Variants in IL10RB observed in about 807,000 individuals in gnomAD.
The protein encoded by IL10RB is interleukin-10 receptor subunit beta.
IL10RB carries 30 observed loss-of-function variants against 38.7 expected under a neutral mutation model. The observed-to-expected ratio is 0.78, with a 90% CI of 0.58 to 1.05. The LOEUF is 1.05. IL10RB is among the 50% of genes least tolerant of loss of function. The pLI, the probability that IL10RB is intolerant of heterozygous loss-of-function variation, is 0.00. For missense variants in IL10RB, 328 were observed against 397.1 expected (o/e 0.83, Z 1.48); for synonymous variants, 142 against 145.9 (o/e 0.97, Z 0.19).
At chr21:33,273,821 C>T (rs1296272589) in intron 2 of IL10RB, among the ~76,000 whole-genome samples, 2 of 152,238 alleles carry the variant, frequency 1.3e-5, no homozygotes, top group African/African-American at 2.4e-5. Context: ...TCTTTGCTCA[C>T]TCATTAGAAA....
chr21:33,292,247 A>G (rs921339158), intron 6 of IL10RB, among the ~76,000 whole-genome samples: 8 of 152,020 alleles, frequency 5.3e-5, no homozygotes, highest in Non-Finnish European at 1.0e-4. Context: ...CTTTCCACAT[A>G]AAGGTGATGA....
chr21:33,271,286 T>C (rs1487474841), intron 2 of IL10RB, among the ~76,000 whole-genome samples: 1 of 152,190 alleles, frequency 6.6e-6, no homozygotes, highest in Non-Finnish European at 1.5e-5. Context: ...TTGCGTGCAT[T>C]GGGGCAGGGC....
intron 2 of IL10RB, among the ~76,000 whole-genome samples, chr21:33,270,533 ACCACG>A (rs1212408867): frequency 6.6e-6 from 1 of 151,460 alleles, no homozygotes; most frequent in Non-Finnish European, 1.5e-5. Context: ...GGCGCCCGCC[ACCACG>A]CCCGGCTAAT....
chr21:33,305,958 A>G (rs1450035118), intron 1 of IL10RB, among the ~76,000 whole-genome samples: 1 of 152,040 alleles, frequency 6.6e-6, no homozygotes, highest in Non-Finnish European at 1.5e-5. Context: ...CAGCTTCCCA[A>G]GTAGCTGGGA....
At chr21:33,274,168 CTTTAT>C (rs1206484277) in intron 2 of IL10RB, among the ~76,000 whole-genome samples, 1 of 152,048 alleles carries the variant, frequency 6.6e-6, no homozygotes, top group Non-Finnish European at 1.5e-5. Context: ...AAATATATTT[CTTTAT>C]TTTATTTTAT....
intron 4 of IL10RB, among the ~76,000 whole-genome samples, chr21:33,281,840 G>A (rs1989285974): frequency 6.6e-6 from 1 of 152,162 alleles, no homozygotes; most frequent in African/African-American, 2.4e-5. Flanking sequence ...CTCACAGCAT[G>A]AAGGGCTTTT....
intron 2 of IL10RB, among the ~76,000 whole-genome samples, chr21:33,274,726 CCGTCCTCCAGG>C (rs1285279849): frequency 1.3e-5 from 2 of 152,152 alleles, no homozygotes; most frequent in African/African-American, 4.8e-5. Flanking sequence ...AACAGATGTG[CCGTCCTCCAGG>C]CTTTGTTGCT....
intron 2 of IL10RB, among the ~76,000 whole-genome samples, chr21:33,274,008 C>A (rs1308729036): frequency 2.0e-5 from 3 of 152,120 alleles, no homozygotes; most frequent in Non-Finnish European, 4.4e-5. Context: ...TTCTTCCAAA[C>A]CCCTGTTAAT....
intron 1 of IL10RB, among the ~76,000 whole-genome samples, chr21:33,305,572 G>A (rs769361560): frequency 1.1e-4 from 16 of 152,158 alleles, no homozygotes; most frequent in African/African-American, 1.9e-4. Context: ...TTGTAGCAGC[G>A]TAGGCAGGGT....
intron 5 of IL10RB, among the ~76,000 whole-genome samples, chr21:33,283,521 C>G (rs1989318056): frequency 6.6e-6 from 1 of 152,176 alleles, no homozygotes; most frequent in East Asian, 1.9e-4. Context: ...ACTTATTCTA[C>G]CATCCCAGGC....
At position 33,294,589 on chromosome 21, in the gene IL10RB, GGAGCACCCCACCACC is replaced by G. The variant is rs543565673; in HGVS notation, c.805-1594_805-1580del. 8.5e-5 allele frequency among the ~76,000 whole-genome samples: 13 copies of G among 152,194 alleles called. No individual in the cohort carries two copies. The South Asian group carries it at 2.5e-3, about 29-fold the overall frequency. On this transcript the variant is annotated intron_variant, in intron 6 of 6. Transcript: ENST00000290200. ...CCAGCCTCCTTCCTGGCCCAACAGAGGAGCACCCCACCACCCTCCATCAGCTGCTCAAAACCCACA... is the reference window on the plus strand; with the variant it reads ...CCAGCCTCCTTCCTGGCCCAACAGAGCTCCATCAGCTGCTCAAAACCCACA...
rs1040000523 is a variant in IL10RB, at chr21:33,287,160, A to G, written c.647-944A>G. 4.6e-5 allele frequency among the ~76,000 whole-genome samples: 7 copies of G among 152,322 alleles called. No individual in the cohort carries two copies. In the South Asian group the frequency reaches 1.0e-3, roughly 23 times the overall value. ...CAAAGGGACAGAGGAAGGATTCACC[A>G]CTATAAGCCCTTTTTAATAAATGCT... On this transcript the variant is annotated intron_variant, in intron 5 of 6. Coordinates refer to ENST00000290200, the MANE Select transcript of IL10RB (RefSeq NM_000628.5).
chr21:33,269,281 G>C (rs1989032586), intron 2 of IL10RB, among the ~76,000 whole-genome samples: 1 of 152,242 alleles, frequency 6.6e-6, no homozygotes, highest in Admixed American at 6.5e-5. Context: ...TTGGCAGCCT[G>C]CCACCATACG....
chr21:33,277,334 C>CAAA (rs373338629), intron 3 of IL10RB, among the ~76,000 whole-genome samples: 50 of 136,192 alleles, frequency 3.7e-4, no homozygotes, highest in African/African-American at 3.6e-4. Context: ...GACTTGGTCT[C>CAAA]AAAAAAAAAA....
In IL10RB at chr21:33,288,077, A is replaced by G. The variant is rs758067659; in HGVS notation, c.647-27A>G. 6 of 1,611,790 alleles carry G rather than the reference A, an allele frequency of 3.7e-6. No individual in the cohort carries two copies. The East Asian group carries it at 6.7e-5, about 18-fold the overall frequency. On this transcript the variant is annotated intron_variant, in intron 5 of 6. Transcript: ENST00000290200. The stretch of plus-strand genomic sequence containing the variant: ...CACTGTGACCCGACCTGTGACAAGA[A>G]TGTAACATGCCCATTACCCCTGGCA...
At chr21:33,279,152 C>T (rs1989234526) in intron 3 of IL10RB, among the ~76,000 whole-genome samples, 1 of 152,192 alleles carries the variant, frequency 6.6e-6, no homozygotes, top group Non-Finnish European at 1.5e-5. Flanking sequence ...ATGGGAGCTG[C>T]ACTTCTACAT....
intron 5 of IL10RB, among the ~76,000 whole-genome samples, chr21:33,285,952 A>C (rs1268746254): frequency 6.6e-6 from 1 of 152,176 alleles, no homozygotes; most frequent in African/African-American, 2.4e-5. Context: ...TGTGGGCCAG[A>C]CGGCACCGCT....
At chr21:33,298,867 A>G (rs1274706294), downstream of IL10RB, among the ~76,000 whole-genome samples, 2 of 152,178 alleles carry the variant, frequency 1.3e-5, no homozygotes, top group Non-Finnish European at 2.9e-5. Flanking sequence ...AGCCAAGTAC[A>G]TCCAATATGG....
intron 4 of IL10RB, 41 bp downstream of exon 4, chr21:33,279,959 A>T: frequency 6.3e-7 from 1 of 1,583,418 alleles, no homozygotes; most frequent in Non-Finnish European, 8.7e-7. Flanking sequence ...GTAGGCTTTC[A>T]TATTCTTTGC....
Sources: gnomAD v4.1 joint callset for allele counts (sites outside exome capture counted in the v4.1 genomes callset) on GRCh38, gnomAD v4.1.1 for gene constraint, MANE v1.5 for transcripts, NCBI Gene and HGNC (gene_info 2026-07-23, HGNC 2026-07-21) for gene names.